TINAG: variants seen among roughly 807,000 people sequenced by gnomAD.
TINAG encodes tubulointerstitial nephritis antigen.
TINAG carries 83 observed loss-of-function variants against 72.7 expected under a neutral mutation model. That is an observed-to-expected ratio of 1.14 (90% CI 0.96 to 1.37). The LOEUF is 1.37. Among genes scored for constraint, TINAG ranks in the 40% most tolerant of loss-of-function variants. TINAG has a pLI of 0.00. For missense variants in TINAG, 685 were observed against 576.6 expected (o/e 1.19, Z -1.93); for synonymous variants, 234 against 189.9 (o/e 1.23, Z -1.91).
At chr6:54,362,263 TG>T (rs1305494245) in intron 9 of TINAG, among the ~76,000 whole-genome samples, 1 of 151,672 alleles carries the variant, frequency 6.6e-6, no homozygotes, top group Admixed American at 6.6e-5. Flanking sequence ...AAGGACAGGC[TG>T]ACTCTCTTTT....
intron 4 of TINAG, among the ~76,000 whole-genome samples, chr6:54,327,484 A>C (rs1196104282): frequency 6.6e-6 from 1 of 152,072 alleles, no homozygotes; most frequent in East Asian, 1.9e-4. Context: ...TCAGGTGCCT[A>C]CACTACCAGG....
chr6:54,308,388 T>C, upstream of TINAG: 2 of 654,116 alleles, frequency 3.1e-6, no homozygotes, highest in Non-Finnish European at 5.2e-6. Context: ...AAATTCTTGA[T>C]TAATGTTTAA....
intron 9 of TINAG, among the ~76,000 whole-genome samples, chr6:54,362,893 G>T (rs116261864): frequency 0.011 from 1,732 of 151,636 alleles, 29 homozygotes; most frequent in African/African-American, 0.039. Context: ...AGATGTGGTG[G>T]AAATAGAAAA....
In TINAG at chr6:54,349,738, C is replaced by T. The variant is rs1785216009; in HGVS notation, c.922C>T (p.Pro308Ser). ...KRGLVSHACYPLFKDQNATNN... is the reference protein window; with the variant it reads ...KRGLVSHACYSLFKDQNATNN... ...TAGACTGGTATCCCACGCATGCTAC[C>T]CACTTTTCAAAGACCAAAATGCTAC... Residue 308 changes from proline (P) to serine (S), a missense_variant, in exon 7 of 11, where the codon CCA (proline) becomes TCA (serine). Pro to Ser is a moderately conservative substitution (Grantham distance 74). Coordinates refer to ENST00000259782, the MANE Select transcript of TINAG (RefSeq NM_014464.4). The T allele has an allele frequency of 6.3e-7, 1 of 1,597,184 alleles. No homozygotes were observed. The highest frequency in any genetic ancestry group is 8.5e-7 in the Non-Finnish European group (1 of 1,169,716).
upstream of TINAG, chr6:54,308,147 C>A (rs1445575521): frequency 2.6e-6 from 4 of 1,543,824 alleles, no homozygotes; most frequent in Non-Finnish European, 3.5e-6. Flanking sequence ...CTGCACCTTG[C>A]CAGTGGTTAT....
intron 9 of TINAG, among the ~76,000 whole-genome samples, chr6:54,375,510 G>A (rs749521900): frequency 1.3e-5 from 2 of 152,116 alleles, no homozygotes; most frequent in Non-Finnish European, 1.5e-5. Context: ...ACTTTGAAAT[G>A]CTGTTGCTAA....
intron 9 of TINAG, among the ~76,000 whole-genome samples, chr6:54,367,406 A>G (rs113689730): frequency 0.04 from 6,068 of 151,918 alleles, 184 homozygotes; most frequent in Middle Eastern, 0.12. Context: ...CGGGAAATAC[A>G]TACATAAATT....
chr6:54,313,075 G>T (rs1784294138), intron 1 of TINAG, among the ~76,000 whole-genome samples: 1 of 152,040 alleles, frequency 6.6e-6, no homozygotes, highest in African/African-American at 2.4e-5. Context: ...AATGGAAGGT[G>T]TATTTTCATC....
At chr6:54,383,691 G>A (rs1396106251) in intron 10 of TINAG, among the ~76,000 whole-genome samples, 1 of 152,088 alleles carries the variant, frequency 6.6e-6, no homozygotes, top group Non-Finnish European at 1.5e-5. Flanking sequence ...TACTTTAGAT[G>A]TAGGCTTTAA....
intron 10 of TINAG, among the ~76,000 whole-genome samples, chr6:54,386,090 C>T (rs928702118): frequency 4.0e-5 from 6 of 151,890 alleles, no homozygotes; most frequent in Admixed American, 6.6e-5. Context: ...CGGGTTTCGC[C>T]ATGTCGCCCA....
rs2150987890 is a variant in TINAG, at chr6:54,389,731, T to C, written c.1297-60T>C. The C allele has an allele frequency of 2.0e-5, 30 of 1,537,402 alleles. No individual in the cohort carries two copies. The South Asian group carries it at 3.9e-4, about 20-fold the overall frequency. On this transcript the variant is annotated intron_variant, in intron 10 of 10. Coordinates refer to ENST00000259782, the MANE Select transcript of TINAG (RefSeq NM_014464.4). ...AAGTTACAAATGAGTTCTCCATGGC[T>C]TTTTTTAAAAAATACCAAAGTATGT... is the stretch of plus-strand genomic sequence containing the variant.
rs572113483 is a variant in TINAG, at chr6:54,328,755, A to T, written c.624+1839A>T. The stretch of plus-strand genomic sequence containing the variant: ...GGTTACAGGAACTACTAACCAGAAT[A>T]ACCAGTTGAGAGAAGAACATAAATG... On this transcript the variant is annotated intron_variant, in intron 4 of 10. Transcript: ENST00000259782. Among the ~76,000 whole-genome samples, 3 of 152,108 alleles carry T rather than the reference A, an allele frequency of 2.0e-5. No individual in the cohort carries two copies. The South Asian group carries it at 6.2e-4, about 32-fold the overall frequency.
Position 54,374,277 on chromosome 6 carries a change from G to A in TINAG, c.1251-6249G>A, listed in dbSNP as rs1562182279. ...TCATGTGAAAAATGCTATTTCATGA[G>A]CCATCATCTGCTCCTCAACCTGTGA... On this transcript the variant is annotated intron_variant, in intron 9 of 10. Coordinates refer to ENST00000259782, the MANE Select transcript of TINAG (RefSeq NM_014464.4). 3.9e-5 allele frequency among the ~76,000 whole-genome samples: 6 copies of A among 151,994 alleles called. No homozygotes were observed. The South Asian group carries it at 1.2e-3, about 31-fold the overall frequency.
intron 4 of TINAG, among the ~76,000 whole-genome samples, chr6:54,328,727 A>G (rs1784666495): frequency 6.6e-6 from 1 of 152,058 alleles, no homozygotes. Context: ...AACCTTGATA[A>G]AAGGTTACAG....
intron 9 of TINAG, among the ~76,000 whole-genome samples, chr6:54,363,725 C>G (rs1159649468): frequency 6.6e-6 from 1 of 151,094 alleles, no homozygotes; most frequent in Non-Finnish European, 1.5e-5. Context: ...TGAGACTAAG[C>G]CATGAGAACA....
intron 3 of TINAG, among the ~76,000 whole-genome samples, chr6:54,326,012 A>G (rs1386158709): frequency 6.6e-6 from 1 of 152,178 alleles, no homozygotes; most frequent in Non-Finnish European, 1.5e-5. Flanking sequence ...TACTGAAAAT[A>G]TATTGACCTA....
In TINAG at chr6:54,308,833, T is replaced by C. The variant is rs141594831; in HGVS notation, c.283T>C (p.Cys95Arg). The C allele has an allele frequency of 2.8e-5, 45 of 1,613,870 alleles. No individual in the cohort carries two copies. The African/African-American group carries it at 5.7e-4, about 21-fold the overall frequency. ...KFCDRENSDC[C>R]PDYKSFCREE... ...CTGTGACAGAGAAAATTCTGATTGC[T>C]GTCCTGACTACAAGTCCTTTTGCCG... The change falls in exon 1 of 11, where the codon TGT becomes CGT. Residue 95 changes from cysteine to arginine, a missense_variant. Physicochemically the swap from Cys to Arg is radical, Grantham distance 180. Coordinates refer to ENST00000259782, the MANE Select transcript of TINAG (RefSeq NM_014464.4).
intron 1 of TINAG, among the ~76,000 whole-genome samples, chr6:54,314,271 C>G (rs61648629): frequency 0.013 from 1,922 of 152,262 alleles, 27 homozygotes; most frequent in African/African-American, 0.042. Flanking sequence ...CTCCATGCAG[C>G]CTTCTGCTTC....
chr6:54,359,670 G>A (rs538606565), intron 9 of TINAG, among the ~76,000 whole-genome samples: 87 of 151,758 alleles, frequency 5.7e-4, no homozygotes, highest in African/African-American at 1.8e-3. Flanking sequence ...CTTTACTCAC[G>A]TAACAATTAA....
Sources: gnomAD v4.1 joint callset for allele counts (sites outside exome capture counted in the v4.1 genomes callset) on GRCh38, gnomAD v4.1.1 for gene constraint, MANE v1.5 for transcripts, NCBI Gene and HGNC (gene_info 2026-07-23, HGNC 2026-07-21) for gene names.